The following EYS variants were observed in gnomAD, a reference collection of about 807,000 sequenced individuals.
The protein encoded by EYS is protein eyes shut homolog.
In EYS, 250 loss-of-function variants were observed where a neutral mutation model predicts 282.1. The ratio of observed to expected loss-of-function variants is 0.89; its 90% CI spans 0.80 to 0.98. The LOEUF is 0.98. Among genes scored for constraint, EYS ranks in the 50% least tolerant of loss-of-function variants. The pLI is 0.00. For missense variants in EYS, 4,016 were observed against 3,709.0 expected (o/e 1.08, Z -2.15); for synonymous variants, 1,355 against 1,282.9 (o/e 1.06, Z -1.20).
chr6:64,173,112 A>G (rs1218814047), intron 31 of EYS, among the ~76,000 whole-genome samples: 1 of 152,130 alleles, frequency 6.6e-6, no homozygotes, highest in East Asian at 1.9e-4. Flanking sequence ...CCATGACAGA[A>G]ACTCATAGTC....
chr6:64,318,855 G>A (rs1922970), intron 29 of EYS, among the ~76,000 whole-genome samples: 104,040 of 151,512 alleles, frequency 0.69, 35,754 homozygotes, highest in South Asian at 0.71. Flanking sequence ...TAATGATCAC[G>A]TTAGGGTAAA....
chr6:64,950,798 C>CATATATATATATAT (rs1171736217), intron 14 of EYS, among the ~76,000 whole-genome samples: 34 of 54,212 alleles, frequency 6.3e-4, no homozygotes, highest in Admixed American at 1.8e-3. Flanking sequence ...TATACATATA[C>CATATATATATATAT]ATATATATAT....
At chr6:65,013,914 C>T (rs1771960353) in intron 13 of EYS, among the ~76,000 whole-genome samples, 1 of 152,148 alleles carries the variant, frequency 6.6e-6, no homozygotes, top group Non-Finnish European at 1.5e-5. Flanking sequence ...TTGAATGTCA[C>T]TCCGTAATTG....
intron 26 of EYS, among the ~76,000 whole-genome samples, chr6:64,445,894 G>C (rs1775102495): frequency 6.6e-6 from 1 of 151,250 alleles, no homozygotes; most frequent in Non-Finnish European, 1.5e-5. Context: ...GGTTCATAAT[G>C]GGCAAAACTG....
chr6:64,001,683 A>C (rs544593590), intron 33 of EYS, among the ~76,000 whole-genome samples: 12 of 152,360 alleles, frequency 7.9e-5, no homozygotes, highest in African/African-American at 2.9e-4. Context: ...TAAATAATTC[A>C]TCCAGCTCTT....
intron 11 of EYS, among the ~76,000 whole-genome samples, chr6:65,305,741 CT>C (rs1768987066): frequency 6.6e-6 from 1 of 152,218 alleles, no homozygotes; most frequent in African/African-American, 2.4e-5. Context: ...CCCTTTTCTT[CT>C]TCAGTACTTG....
chr6:64,074,606 ATATT>A (rs1380064220), intron 32 of EYS, among the ~76,000 whole-genome samples: 2 of 151,768 alleles, frequency 1.3e-5, no homozygotes, highest in African/African-American at 4.8e-5. Context: ...TCATTTATAA[ATATT>A]CAAAAGAGGT....
chr6:64,704,268 A>C (rs1254377593), intron 22 of EYS, among the ~76,000 whole-genome samples: 2 of 149,106 alleles, frequency 1.3e-5, no homozygotes, highest in African/African-American at 4.9e-5. Context: ...GTTTAATTTT[A>C]ATGAGTATTC....
rs566627334 is a variant in EYS at position 65,412,999 on chromosome 6, C to G, written c.863-7632G>C. Among the ~76,000 whole-genome samples, 31 of 152,192 alleles carry G rather than the reference C, an allele frequency of 2.0e-4. 1 individual carries two copies. Among genetic ancestry groups the G allele is most frequent in the Middle Eastern group, 6.8e-3 (2 of 292 alleles). ...TGTGCACATTTTAAGATGTGATTTT[C>G]TGTGCCTTGGATTTTTAATTTACCT... On this transcript the variant is annotated intron_variant, in intron 5 of 42. Transcript: ENST00000503581.
intron 31 of EYS, among the ~76,000 whole-genome samples, chr6:64,147,878 A>C (rs1774572220): frequency 6.6e-6 from 1 of 152,160 alleles, no homozygotes; most frequent in African/African-American, 2.4e-5. Context: ...CCCTGCAGCC[A>C]CGGTGGACTT....
intron 25 of EYS, among the ~76,000 whole-genome samples, chr6:64,592,598 A>T (rs960432286): frequency 2.0e-5 from 3 of 152,148 alleles, no homozygotes; most frequent in African/African-American, 4.8e-5. Context: ...GTAAATTTGG[A>T]ATTTAATATA....
At chr6:64,802,352 G>GAGTT (rs1764273217) in intron 22 of EYS, among the ~76,000 whole-genome samples, 1 of 151,860 alleles carries the variant, frequency 6.6e-6, no homozygotes, top group African/African-American at 2.4e-5. Context: ...ACGTCCGGCC[G>GAGTT]AGTTATAACA....
intron 31 of EYS, among the ~76,000 whole-genome samples, chr6:64,098,571 C>T (rs1772714192): frequency 1.3e-5 from 2 of 151,126 alleles, no homozygotes; most frequent in East Asian, 1.9e-4. Flanking sequence ...TATGCAAAGT[C>T]TTCAAATGTG....
intron 13 of EYS, among the ~76,000 whole-genome samples, chr6:65,042,077 C>T (rs1772953778): frequency 1.3e-5 from 2 of 151,614 alleles, no homozygotes; most frequent in South Asian, 4.1e-4. Context: ...TTCTGCTGCT[C>T]CACATTTTGT....
chr6:64,083,029 C>A (rs1459254158), intron 31 of EYS, among the ~76,000 whole-genome samples: 2 of 151,994 alleles, frequency 1.3e-5, no homozygotes, highest in Non-Finnish European at 1.5e-5. Flanking sequence ...CTGCCTCAGC[C>A]TCTGAAGTAA....
At chr6:64,835,747 T>C (rs2150031103) in intron 19 of EYS, among the ~76,000 whole-genome samples, 1 of 151,706 alleles carries the variant, frequency 6.6e-6, no homozygotes, top group South Asian at 2.1e-4. Context: ...CTGCTAAACA[T>C]TTGAATCAAC....
intron 36 of EYS, among the ~76,000 whole-genome samples, chr6:63,861,086 T>C (rs1391481707): frequency 6.6e-6 from 1 of 152,210 alleles, no homozygotes; most frequent in African/African-American, 2.4e-5. Flanking sequence ...TGTCTACATA[T>C]CATCTCCCTT....
rs553840761 is a variant in EYS at position 63,720,846 on chromosome 6, T to C, written c.9185A>G (p.Asn3062Ser). 251 of 1,551,242 alleles carry C rather than the reference T, an allele frequency of 1.6e-4. 1 individual carries two copies. The African/African-American group carries it at 3.1e-3, about 19-fold the overall frequency. Residue 3062 changes from asparagine (N) to serine (S), a missense_variant, in exon 43 of 43, where the codon AAC (asparagine) becomes AGC (serine). By Grantham distance (46) the Asn-to-Ser change is conservative. Coordinates refer to ENST00000503581, the MANE Select transcript of EYS (RefSeq NM_001142800.2). Reference protein sequence around the residue: ...NQTLIKAYINNSLILSEDIDP... With the variant: ...NQTLIKAYINSSLILSEDIDP... The stretch of plus-strand genomic sequence containing the variant: ...AATATCCTCGGAAAGAATTAGACTG[T>C]TATTTATGTAGGCCTTGATAAGAGT...
At chr6:65,671,888 T>C (rs967882675) in intron 1 of EYS, among the ~76,000 whole-genome samples, 8 of 152,102 alleles carry the variant, frequency 5.3e-5, no homozygotes, top group Middle Eastern at 6.3e-3. Flanking sequence ...AAGAGACTGA[T>C]TTCTTCCCTA....
Sources: gnomAD v4.1 joint callset for allele counts (sites outside exome capture counted in the v4.1 genomes callset) on GRCh38, gnomAD v4.1.1 for gene constraint, MANE v1.5 for transcripts, NCBI Gene and HGNC (gene_info 2026-07-23, HGNC 2026-07-21) for gene names.